KYNU: variants seen among roughly 807,000 people sequenced by gnomAD.
KYNU encodes the protein kynureninase, also known as L-kynurenine hydrolase.
KYNU carries 54 observed loss-of-function variants against 59.2 expected under a neutral mutation model. That is an observed-to-expected ratio of 0.91 (90% confidence interval 0.73 to 1.14). The LOEUF is 1.14. Ranked by LOEUF, KYNU falls within the 50% of genes most tolerant of loss-of-function variation. KYNU has a pLI of 0.00. For synonymous variants in KYNU, 177 were observed against 192.0 expected (o/e 0.92, Z 0.65); for missense variants, 567 against 554.4 (o/e 1.02, Z -0.23).
Position 142,957,689 on chromosome 2 carries a change from A to G in KYNU, c.556A>G (p.Ser186Gly). Residue 186 changes from serine to glycine, a missense_variant, in exon 7 of 14, where the codon AGT (serine) becomes GGT (glycine). Physicochemically the swap from Ser to Gly is moderately conservative, Grantham distance 56. Transcript: ENST00000264170. The stretch of plus-strand genomic sequence containing the variant: ...ACTTCACGGACTTAACATTGAAGAA[A>G]GTATGCGGATGATAAAGCCAAGAGA... ...LQLHGLNIEE[S>G]MRMIKPREGE... The G allele has an allele frequency of 6.2e-7, 1 of 1,604,692 alleles. No homozygotes were observed. Among genetic ancestry groups the G allele is most frequent in the Non-Finnish European group, 8.5e-7 (1 of 1,171,748 alleles).
chr2:142,893,277 AAG>A lies in KYNU; in HGVS notation c.169+7743_169+7744del, dbSNP rs146087116. 4.5e-3 allele frequency among the ~76,000 whole-genome samples: 681 copies of A among 152,312 alleles called. 5 individuals carry two copies. The highest frequency in any genetic ancestry group is 0.016 in the African/African-American group (651 of 41,570). ...ACAAAATTCTAGGCATTGACAAAGA[AAG>A]AACTCTAGAAAGAGCCAGAGACACA... On this transcript the variant is annotated intron_variant, in intron 2 of 13. Coordinates refer to ENST00000264170, the MANE Select transcript of KYNU (RefSeq NM_003937.3).
intron 12 of KYNU, among the ~76,000 whole-genome samples, chr2:143,036,509 T>G (rs1346980051): frequency 1.3e-5 from 2 of 152,214 alleles, no homozygotes; most frequent in Non-Finnish European, 2.9e-5. Flanking sequence ...AGGAACAGGC[T>G]GTGACCTAAT....
chr2:143,018,300 C>G (rs1331201091), intron 10 of KYNU, among the ~76,000 whole-genome samples: 1 of 152,156 alleles, frequency 6.6e-6, no homozygotes, highest in Non-Finnish European at 1.5e-5. Context: ...TTTAATCCAT[C>G]TCGAGTTAAT....
chr2:142,947,515 G>A, intron 4 of KYNU: 1 of 232,952 alleles, frequency 4.3e-6, no homozygotes, highest in Non-Finnish European at 8.4e-6. Flanking sequence ...TCATTACCTT[G>A]ATCCCTTGAA....
rs544361745 is a variant in KYNU at position 142,957,337 on chromosome 2, G to T, written c.508-304G>T. ...ATGACAAGTCCCTACTATTCATTTT[G>T]CTTATTTTGCAAATTCTGGTTTTGA... On this transcript the variant is annotated intron_variant, in intron 6 of 13. Coordinates refer to ENST00000264170, the MANE Select transcript of KYNU (RefSeq NM_003937.3). Among the ~76,000 whole-genome samples the T allele has an allele frequency of 8.6e-5, 13 of 151,918 alleles. 2 individuals carry two copies. In the South Asian group the frequency reaches 2.5e-3, roughly 29 times the overall value.
At chr2:142,950,063 G>A (rs1287458187) in intron 4 of KYNU, among the ~76,000 whole-genome samples, 2 of 152,156 alleles carry the variant, frequency 1.3e-5, no homozygotes, top group African/African-American at 4.8e-5. Context: ...AACATAACAA[G>A]AGTCACCTTT....
At chr2:143,017,087 C>T (rs1460409108) in intron 10 of KYNU, among the ~76,000 whole-genome samples, 2 of 152,114 alleles carry the variant, frequency 1.3e-5, no homozygotes, top group African/African-American at 4.8e-5. Flanking sequence ...GCTTTCATTC[C>T]TTATTATGAC....
At chr2:142,952,378 A>G (rs1427614879) in intron 4 of KYNU, among the ~76,000 whole-genome samples, 1 of 152,002 alleles carries the variant, frequency 6.6e-6, no homozygotes, top group Non-Finnish European at 1.5e-5. Flanking sequence ...TGCCCAGCCT[A>G]TATCCAAATT....
At chr2:142,972,427 C>CTACTTTAAG (rs1436205390) in intron 8 of KYNU, among the ~76,000 whole-genome samples, 2 of 152,088 alleles carry the variant, frequency 1.3e-5, no homozygotes, top group African/African-American at 4.8e-5. Flanking sequence ...ATTTGACAAT[C>CTACTTTAAG]TTGCCAATGT....
At chr2:142,893,832 A>G (rs558147774) in intron 2 of KYNU, among the ~76,000 whole-genome samples, 32 of 152,278 alleles carry the variant, frequency 2.1e-4, no homozygotes, top group African/African-American at 7.7e-4. Flanking sequence ...CTAAGGATAT[A>G]TTGGCCCCAA....
chr2:143,029,896 A>T (rs1419953260), intron 11 of KYNU, among the ~76,000 whole-genome samples: 2 of 152,190 alleles, frequency 1.3e-5, no homozygotes, highest in Non-Finnish European at 2.9e-5. Flanking sequence ...AGGGAGATAA[A>T]AGAAAATGAA....
chr2:142,884,688 CTTTTTTTTTTTTTT>C (rs70997529), intron 1 of KYNU, among the ~76,000 whole-genome samples: 6 of 77,022 alleles, frequency 7.8e-5, no homozygotes, highest in African/African-American at 2.4e-4. Context: ...TTCTCTTTTC[CTTTTTTTTTTTTTT>C]TTTTTTTTTT....
At chr2:143,032,745 G>GTGTGTGTGTGTGTGTGTGTC (rs1351827554) in intron 11 of KYNU, among the ~76,000 whole-genome samples, 2 of 151,764 alleles carry the variant, frequency 1.3e-5, no homozygotes, top group Non-Finnish European at 2.9e-5. Flanking sequence ...GTGTGTGTCT[G>GTGTGTGTGTGTGTGTGTGTC]TGTGTGTTCT....
intron 10 of KYNU, among the ~76,000 whole-genome samples, chr2:143,029,270 T>C (rs1686669383): frequency 6.6e-6 from 1 of 152,170 alleles, no homozygotes; most frequent in Non-Finnish European, 1.5e-5. Flanking sequence ...ATTTCTAAAT[T>C]AGTAGTGTTT....
At chr2:142,992,702 G>A (rs1573879410) in intron 10 of KYNU, among the ~76,000 whole-genome samples, 1 of 151,706 alleles carries the variant, frequency 6.6e-6, no homozygotes. Context: ...TCTCACATAG[G>A]TATCTTTCTA....
chr2:142,992,644 A>G (rs1685433536), intron 10 of KYNU, among the ~76,000 whole-genome samples: 1 of 151,858 alleles, frequency 6.6e-6, no homozygotes, highest in African/African-American at 2.4e-5. Context: ...ACACACACAC[A>G]TACATCTTTC....
intron 2 of KYNU, among the ~76,000 whole-genome samples, chr2:142,891,889 G>A (rs1681725033): frequency 6.6e-6 from 1 of 151,444 alleles, no homozygotes; most frequent in African/African-American, 2.4e-5. Flanking sequence ...GTATTCCTTA[G>A]TTAAAAGTTT....
At chr2:143,002,794 T>C (rs1685748747) in intron 10 of KYNU, among the ~76,000 whole-genome samples, 1 of 152,232 alleles carries the variant, frequency 6.6e-6, no homozygotes, top group African/African-American at 2.4e-5. Flanking sequence ...GCAGTACATT[T>C]TGAATCAGTT....
intron 7 of KYNU, among the ~76,000 whole-genome samples, chr2:142,958,783 C>G (rs1456121549): frequency 6.6e-6 from 1 of 151,990 alleles, no homozygotes. Flanking sequence ...CGTATCCTGT[C>G]GTTGAAAAAT....
Sources: gnomAD v4.1 joint callset for allele counts (sites outside exome capture counted in the v4.1 genomes callset) on GRCh38, gnomAD v4.1.1 for gene constraint, MANE v1.5 for transcripts, NCBI Gene and HGNC (gene_info 2026-07-23, HGNC 2026-07-21) for gene names.